Variants in TAAR5 observed in about 807,000 individuals in gnomAD.
TAAR5 encodes the protein trace amine associated receptor 5, also known as trace amine-associated receptor 5.
In TAAR5, 27 loss-of-function variants were observed where a neutral mutation model predicts 21.1. The ratio of observed to expected loss-of-function variants is 1.28; its 90% confidence interval spans 0.94 to 1.76. The LOEUF is 1.76. TAAR5 is among the 40% of genes most tolerant of loss of function. The pLI, the probability that TAAR5 is intolerant of heterozygous loss-of-function variation, is 0.00. For missense variants in TAAR5, 495 were observed against 405.6 expected, an observed-to-expected ratio of 1.22 and a Z score of -1.89; for synonymous variants, 203 against 167.5, an observed-to-expected ratio of 1.21 and a Z score of -1.64.
chr6:132,614,320 T>C, the TAAR5 span, among the ~76,000 whole-genome samples: 1 of 152,226 alleles, frequency 6.6e-6, no homozygotes, highest in Non-Finnish European at 1.5e-5. Flanking sequence ...TTTGCAAAAG[T>C]ATTTTATATG....
Position 132,589,285 on chromosome 6 carries a change from ACAGTGGCGGT to A in TAAR5, c.392_401del (p.Asp131ValfsTer15). 6.2e-7 allele frequency: 1 copy of A among 1,612,366 alleles called. No individual in the cohort carries two copies. The highest frequency in any genetic ancestry group is 8.5e-7 in the Non-Finnish European group (1 of 1,179,140). ...GATAGAGCAGGGGGTCACAGATGGC[ACAGTGGCGGT>A]CAATGGAAATGAAACAGAGATGGAA... On this transcript the variant is annotated frameshift_variant, in exon 1 of 1. Transcript: ENST00000258034. LOFTEE classifies it high-confidence loss of function.
rs146002775 is a variant in TAAR5 at position 132,589,174 on chromosome 6, G to A, written c.513C>T (p.Tyr171=). ...TGAGCCTTGTCTCTACCACATCTGTGTAGAGGAATAACGAAGTGTATGCTG... is the reference window on the plus strand; with the variant it reads ...TGAGCCTTGTCTCTACCACATCTGTATAGAGGAATAACGAAGTGTATGCTG... ...VPAAYTSLFL[Y]TDVVETRLSQ... The change falls in exon 1 of 1, where the codon TAC becomes TAT. Residue 171 remains tyrosine, a synonymous_variant. Transcript: ENST00000258034. The A allele has an allele frequency of 5.6e-6, 9 of 1,608,536 alleles. No homozygotes were observed. The highest frequency in any genetic ancestry group is 7.6e-6 in the Non-Finnish European group (9 of 1,177,340).
chr6:132,604,081 G>A, the TAAR5 span, among the ~76,000 whole-genome samples: 1 of 150,672 alleles, frequency 6.6e-6, no homozygotes, highest in African/African-American at 2.4e-5. Context: ...CGAAATATTG[G>A]TTATAAAAGC....
Position 132,589,087 on chromosome 6 carries a change from C to A in TAAR5, c.600G>T (p.Trp200Cys). The A allele has an allele frequency of 6.2e-7, 1 of 1,613,874 alleles. No individual in the cohort carries two copies. Among genetic ancestry groups the A allele is most frequent in the South Asian group, 1.1e-5 (1 of 91,084 alleles). The change falls in exon 1 of 1, where the codon TGG becomes TGT. Residue 200 changes from tryptophan to cysteine, a missense_variant. Transcript: ENST00000258034. ...GSCQLLLNKF[W>C]GWLNFPLFFV... ...AGAACAAAGGGAAGTTTAACCAGCCCCAAAATTTATTGAGCAGCAGCTGGC... is the reference window on the plus strand; with the variant it reads ...AGAACAAAGGGAAGTTTAACCAGCCACAAAATTTATTGAGCAGCAGCTGGC...
At chr6:132,602,779 C>CA in the TAAR5 span, among the ~76,000 whole-genome samples, 28,986 of 95,714 alleles carry the variant, frequency 0.3, 4,201 homozygotes, top group Non-Finnish European at 0.4. Context: ...CTTTAGAAGT[C>CA]AAAAAAAAAA....
the TAAR5 span, among the ~76,000 whole-genome samples, chr6:132,601,929 A>G: frequency 9.2e-5 from 14 of 152,356 alleles, no homozygotes; most frequent in Admixed American, 4.6e-4. Flanking sequence ...AGACCAGAGA[A>G]CAGAGATTAA....
chr6:132,589,742 CAAAAAAAAAAAAAAAAAAAAAA>C (rs567338856), upstream of TAAR5: 7 of 60,834 alleles, frequency 1.2e-4, no homozygotes, highest in African/African-American at 1.6e-4. Context: ...CACTGGAGGG[CAAAAAAAAAAAAAAAAAAAAAA>C]AAAAAAAAAA....
chr6:132,605,242 G>A, the TAAR5 span, among the ~76,000 whole-genome samples: 2 of 152,170 alleles, frequency 1.3e-5, no homozygotes, highest in African/African-American at 2.4e-5. Flanking sequence ...AAGTGTCAAC[G>A]CCAGATAACT....
the TAAR5 span, among the ~76,000 whole-genome samples, chr6:132,615,163 C>T: frequency 6.6e-6 from 1 of 152,024 alleles, no homozygotes; most frequent in African/African-American, 2.4e-5. Flanking sequence ...TTTTTAATGA[C>T]CCAGTTTGTT....
the TAAR5 span, among the ~76,000 whole-genome samples, chr6:132,599,963 CA>C: frequency 1.3e-5 from 2 of 151,902 alleles, no homozygotes; most frequent in Admixed American, 1.3e-4. Context: ...ACTTAAAGAG[CA>C]AAAAGCATTT....
the TAAR5 span, among the ~76,000 whole-genome samples, chr6:132,602,415 G>C: frequency 1.3e-5 from 2 of 152,164 alleles, no homozygotes; most frequent in Non-Finnish European, 2.9e-5. Context: ...TTATCATAAG[G>C]AGGGTGCAAG....
the TAAR5 span, among the ~76,000 whole-genome samples, chr6:132,607,834 C>G: frequency 2.0e-5 from 3 of 152,068 alleles, no homozygotes; most frequent in African/African-American, 7.2e-5. Flanking sequence ...CTTCATGGAC[C>G]CACAGGTCGC....
At chr6:132,612,808 T>C in the TAAR5 span, among the ~76,000 whole-genome samples, 1 of 152,174 alleles carries the variant, frequency 6.6e-6, no homozygotes, top group East Asian at 1.9e-4. Context: ...GGAAATTTTC[T>C]GTTGCAGAAT....
At chr6:132,611,580 G>A in the TAAR5 span, among the ~76,000 whole-genome samples, 1 of 152,136 alleles carries the variant, frequency 6.6e-6, no homozygotes, top group Non-Finnish European at 1.5e-5. Flanking sequence ...TGTATCCATA[G>A]TAATTTTAAA....
upstream of TAAR5, among the ~76,000 whole-genome samples, chr6:132,591,359 A>C (rs1344852355): frequency 6.6e-6 from 1 of 152,194 alleles, no homozygotes; most frequent in Non-Finnish European, 1.5e-5. Context: ...AGGTGACACC[A>C]AATTACATCT....
chr6:132,591,808 A>T (rs527559230), upstream of TAAR5, among the ~76,000 whole-genome samples: 2 of 152,352 alleles, frequency 1.3e-5, no homozygotes, highest in East Asian at 3.9e-4. Flanking sequence ...ATGTAACACA[A>T]TTGTATGATC....
the TAAR5 span, among the ~76,000 whole-genome samples, chr6:132,610,174 A>G: frequency 6.6e-6 from 1 of 152,278 alleles, no homozygotes; most frequent in East Asian, 1.9e-4. Context: ...ATAAATAAAA[A>G]CTTCCAATAA....
chr6:132,597,752 G>A, the TAAR5 span, among the ~76,000 whole-genome samples: 2 of 152,118 alleles, frequency 1.3e-5, no homozygotes, highest in Non-Finnish European at 2.9e-5. Flanking sequence ...ATTTCTTCTA[G>A]GAGGCAGAAA....
At position 132,589,674 on chromosome 6, in the gene TAAR5, A is replaced by T; in HGVS notation, c.13T>A (p.Phe5Ile). Reference protein sequence around the residue: MRAVFIQGAEEHPAA... With the variant: MRAVIIQGAEEHPAA... The stretch of plus-strand genomic sequence containing the variant: ...GGGTGCTCTTCAGCACCTTGGATGA[A>T]GACAGCTCTCATTTATGATTTCTAC... Residue 5 changes from phenylalanine (F) to isoleucine (I), a missense_variant, in exon 1 of 1, where the codon TTC (phenylalanine) becomes ATC (isoleucine). By Grantham distance (21) the Phe-to-Ile change is conservative. Transcript: ENST00000258034. The T allele has an allele frequency of 1.3e-6, 2 of 1,496,746 alleles. No homozygotes were observed. Among genetic ancestry groups the T allele is most frequent in the Non-Finnish European group, 1.8e-6 (2 of 1,107,110 alleles). The allele number at this position is 1,496,746 out of a possible 1,614,324, so 92.7% of individuals were successfully genotyped here. A position where few individuals can be genotyped will look rare whatever the true frequency, so the allele number is the denominator to read the frequency against.
Sources: allele counts gnomAD v4.1 joint callset (sites outside exome capture counted in the v4.1 genomes callset), GRCh38; gene constraint gnomAD v4.1.1; transcripts MANE v1.5; gene names NCBI Gene and HGNC (gene_info 2026-07-23, HGNC 2026-07-21).